The following ERFL variants were observed in gnomAD, a reference collection of about 807,000 sequenced individuals.
ERFL encodes the protein ETS domain-containing transcription factor ERF-like.
Under a neutral mutation model 27.9 loss-of-function variants are expected in ERFL, and 8 were observed. The observed-to-expected ratio is 0.29, with a 90% CI of 0.17 to 0.52. The LOEUF is 0.52. ERFL is among the 20% of genes least tolerant of loss of function. ERFL has a pLI of 0.97. For missense variants in ERFL, 294 were observed against 444.4 expected, an observed-to-expected ratio of 0.66 and a Z score of 3.04; for synonymous variants, 174 against 202.8, an observed-to-expected ratio of 0.86 and a Z score of 1.21.
intron 1 of ERFL, among the ~76,000 whole-genome samples, chr19:41,922,462 A>T (rs1413127729): frequency 1.3e-5 from 2 of 152,192 alleles, no homozygotes; most frequent in Admixed American, 6.5e-5. Context: ...GGGACAGGGA[A>T]TCGGATGACA....
chr19:41,913,059 C>T (rs568110952), intron 1 of ERFL, 127 bp from the exon 2 acceptor site: 11 of 405,228 alleles, frequency 2.7e-5, no homozygotes, highest in South Asian at 1.3e-4. Context: ...CACCCTCTCC[C>T]CGCAATCCCT....
At chr19:41,912,217 C>T (rs1019176621) in intron 2 of ERFL, among the ~76,000 whole-genome samples, 62 of 152,190 alleles carry the variant, frequency 4.1e-4, no homozygotes, top group African/African-American at 1.4e-3. Flanking sequence ...GACACATTCT[C>T]CCAGTGTGAC....
rs781984206 is a variant in ERFL, at chr19:41,909,617, G to A, written c.303-146C>T. On this transcript the variant is annotated intron_variant, in intron 3 of 5. Coordinates refer to ENST00000597630, the MANE Select transcript of ERFL (RefSeq NM_001365103.2). This position sits in a 1 kb window ranked among gnomAD's most constrained non-coding sequence, Gnocchi z 5.2. Reference sequence around the variant, plus strand: ...GAGGCTCACAGAAGTCCCTTAATAGGGATCACAGGGCAAGGAAGGGATGAG... The same window carrying A: ...GAGGCTCACAGAAGTCCCTTAATAGAGATCACAGGGCAAGGAAGGGATGAG... The A allele has an allele frequency of 2.9e-4, 247 of 838,420 alleles. No individual in the cohort carries two copies. The highest frequency in any genetic ancestry group is 9.5e-4 in the Admixed American group (30 of 31,534). 51.9% of individuals were successfully genotyped at this position (838,420 alleles called of 1,614,324 possible). A position where few individuals can be genotyped will look rare whatever the true frequency, so the allele number is the denominator to read the frequency against.
chr19:41,919,231 A>G (rs1478724592), intron 1 of ERFL, among the ~76,000 whole-genome samples: 9 of 152,230 alleles, frequency 5.9e-5, no homozygotes, highest in Admixed American at 4.6e-4. Context: ...CATCCTTAAC[A>G]CACAGACCCA....
rs1285879563 is a variant in ERFL, at chr19:41,908,151, C to T, written c.*77G>A. On this transcript the variant is annotated 3_prime_UTR_variant, in exon 6 of 6. Transcript: ENST00000597630. This position sits in a 1 kb window ranked among gnomAD's most constrained non-coding sequence, Gnocchi z 6.7. ...GGAGGTGCTGAGGGCTGGTCCTGGG[C>T]CTTGGGCCAGGCATCAAGGGCAGAC... 51 of 1,153,484 alleles carry T rather than the reference C, an allele frequency of 4.4e-5. No individual in the cohort carries two copies. The highest frequency in any genetic ancestry group is 5.3e-5 in the Non-Finnish European group (49 of 916,474). The allele number at this position is 1,153,484 out of a possible 1,614,324, so 71.5% of individuals were successfully genotyped here.
At chr19:41,914,929 G>GTCTCTGTCTCTCCCTCCTCTTCCACTA (rs1555851776) in intron 1 of ERFL, among the ~76,000 whole-genome samples, 22 of 103,500 alleles carry the variant, frequency 2.1e-4, no homozygotes, top group Admixed American at 1.9e-3. Context: ...CACCATCTCC[G>GTCTCTGTCTCTCCCTCCTCTTCCACTA]TCTCTGTCTC....
At chr19:41,927,347 T>C (rs1555853357) in intron 1 of ERFL, among the ~76,000 whole-genome samples, 1 of 152,020 alleles carries the variant, frequency 6.6e-6, no homozygotes, top group African/African-American at 2.4e-5. Flanking sequence ...GGCCCAAATG[T>C]CCTTCCCACA....
Position 41,914,671 on chromosome 19 carries a change from TC to T in ERFL, c.-13-1740del, listed in dbSNP as rs1555851626. ...CCTTTCCACCATCTCTGTCTCTCCC[TC>T]CCCTTCCACCATCTCTGTCTCTCCC... On this transcript the variant is annotated intron_variant, in intron 1 of 5. Coordinates refer to ENST00000597630, the MANE Select transcript of ERFL (RefSeq NM_001365103.2). 8.3e-4 allele frequency among the ~76,000 whole-genome samples: 27 copies of T among 32,416 alleles called. 4 individuals are homozygous for T. The highest frequency in any genetic ancestry group is 1.2e-3 in the Non-Finnish European group (24 of 20,542). The allele number at this position is 32,416 out of a possible 152,430, so 21.3% of individuals were successfully genotyped here. A position where few individuals can be genotyped will look rare whatever the true frequency, so the allele number is the denominator to read the frequency against.
rs782081039 is a variant in ERFL, at chr19:41,909,543, G to T, written c.303-72C>A. 14 of 1,094,028 alleles carry T rather than the reference G, an allele frequency of 1.3e-5. No homozygotes were observed. The highest frequency in any genetic ancestry group is 1.5e-5 in the Non-Finnish European group (13 of 850,564). The allele number at this position is 1,094,028 out of a possible 1,614,324, so 67.8% of individuals were successfully genotyped here. A position where few individuals can be genotyped will look rare whatever the true frequency, so the allele number is the denominator to read the frequency against. On this transcript the variant is annotated intron_variant, in intron 3 of 5. Coordinates refer to ENST00000597630, the MANE Select transcript of ERFL (RefSeq NM_001365103.2). The surrounding 1 kb of genome is among the most constrained non-coding windows in gnomAD (Gnocchi z 5.2). ...GGCGGGATCTGGGGTTTCTTAATGC[G>T]TGTGCTGTCCCAGGCATGGTGCACA...
chr19:41,914,560 A>C lies in ERFL; in HGVS notation c.-13-1628T>G, dbSNP rs1599674024. On this transcript the variant is annotated intron_variant, in intron 1 of 5. Coordinates refer to ENST00000597630, the MANE Select transcript of ERFL (RefSeq NM_001365103.2). The stretch of plus-strand genomic sequence containing the variant: ...GCTATCCGTCTTTCCCTCCCCTTCC[A>C]CCATCTCTGTCTCCGTCTCTCCCTC... 8.7e-4 allele frequency among the ~76,000 whole-genome samples: 57 copies of C among 65,416 alleles called. 1 individual carries two copies. The highest frequency in any genetic ancestry group is 1.3e-3 in the Admixed American group (8 of 6,126). 42.9% of individuals were successfully genotyped at this position (65,416 alleles called of 152,430 possible).
rs1332882673 is a variant in ERFL at position 41,921,159 on chromosome 19, C to T, written c.-14+6881G>A. Reference sequence around the variant, plus strand: ...GGAGGGTGGAGGCGCCACCGTGAGGCGAGGCGGAGGGAGGTCTGGCTGCTC... The same window carrying T: ...GGAGGGTGGAGGCGCCACCGTGAGGTGAGGCGGAGGGAGGTCTGGCTGCTC... On this transcript the variant is annotated intron_variant, in intron 1 of 5. Coordinates refer to ENST00000597630, the MANE Select transcript of ERFL (RefSeq NM_001365103.2). The surrounding 1 kb of genome is among the most constrained non-coding windows in gnomAD (Gnocchi z 4.4). 6.6e-6 allele frequency among the ~76,000 whole-genome samples: 1 copy of T among 151,998 alleles called. No homozygotes were observed. The highest frequency in any genetic ancestry group is 1.5e-5 in the Non-Finnish European group (1 of 67,972).
At chr19:41,913,853 C>G (rs1280984178) in intron 1 of ERFL, among the ~76,000 whole-genome samples, 1 of 150,986 alleles carries the variant, frequency 6.6e-6, no homozygotes, top group Non-Finnish European at 1.5e-5. Context: ...CGCAGACACA[C>G]GCTGCCCTCG....
chr19:41,913,876 C>T (rs1468762037), intron 1 of ERFL, among the ~76,000 whole-genome samples: 3 of 151,252 alleles, frequency 2.0e-5, no homozygotes, highest in East Asian at 2.0e-4. Context: ...CTCCCGAGAC[C>T]CCTCCCCTCA....
Position 41,909,869 on chromosome 19 carries a change from G to A in ERFL, c.296C>T (p.Ala99Val), listed in dbSNP as rs2074742616. ...PHMNYDKLSR[A>V]LRYYYNKRIL... Reference sequence around the variant, plus strand: ...GCCCCAAGCCCTTCCTCACCGCAGGGCCCGGCTCAGCTTGTCGTAATTCAT... The same window carrying A: ...GCCCCAAGCCCTTCCTCACCGCAGGACCCGGCTCAGCTTGTCGTAATTCAT... The change falls in exon 3 of 6, where the codon GCC becomes GTC. Residue 99 changes from alanine to valine, a missense_variant. By Grantham distance (64) the Ala-to-Val change is moderately conservative. Coordinates refer to ENST00000597630, the MANE Select transcript of ERFL (RefSeq NM_001365103.2). This position sits in a 1 kb window ranked among gnomAD's most constrained non-coding sequence, Gnocchi z 5.2. 2 of 1,610,056 alleles carry A rather than the reference G, an allele frequency of 1.2e-6. No individual in the cohort carries two copies. Among genetic ancestry groups the A allele is most frequent in the African/African-American group, 1.3e-5 (1 of 74,904 alleles).
At chr19:41,919,035 C>T (rs1555852191) in intron 1 of ERFL, among the ~76,000 whole-genome samples, 3 of 151,132 alleles carry the variant, frequency 2.0e-5, no homozygotes, top group African/African-American at 7.3e-5. Flanking sequence ...AGACACTATA[C>T]ATCACACCAC....
intron 2 of ERFL, among the ~76,000 whole-genome samples, chr19:41,911,542 A>G (rs1555851254): frequency 6.6e-6 from 1 of 152,208 alleles, no homozygotes; most frequent in African/African-American, 2.4e-5. Flanking sequence ...TGCCTGGTGT[A>G]GAAAAGTGGG....
At chr19:41,927,488 C>T (rs1349823365) in intron 1 of ERFL, among the ~76,000 whole-genome samples, 1 of 152,106 alleles carries the variant, frequency 6.6e-6, no homozygotes, top group Non-Finnish European at 1.5e-5. Flanking sequence ...CTATGCTGAT[C>T]CCCAGTCCCA....
In ERFL at chr19:41,909,514, C is replaced by T. The variant is rs572185116; in HGVS notation, c.303-43G>A. ...GTGTTGGGGAGGTGCAGGGGGAGCC[C>T]TGGGGCGGGATCTGGGGTTTCTTAA... On this transcript the variant is annotated intron_variant, in intron 3 of 5. Transcript: ENST00000597630. This position sits in a 1 kb window ranked among gnomAD's most constrained non-coding sequence, Gnocchi z 5.2. 11 of 1,245,412 alleles carry T rather than the reference C, an allele frequency of 8.8e-6. No homozygotes were observed. The East Asian group carries it at 2.8e-4, about 32-fold the overall frequency. The allele number at this position is 1,245,412 out of a possible 1,614,324, so 77.1% of individuals were successfully genotyped here.
intron 1 of ERFL, among the ~76,000 whole-genome samples, 191 bp from the exon 2 acceptor site, chr19:41,913,123 G>A (rs2074763941): frequency 6.7e-6 from 1 of 149,496 alleles, no homozygotes; most frequent in South Asian, 2.1e-4. Context: ...TCCCGGCCCC[G>A]AGACCCCGTT....
Sources: allele counts gnomAD v4.1 joint callset (sites outside exome capture counted in the v4.1 genomes callset), GRCh38; gene constraint gnomAD v4.1.1; non-coding constraint Gnocchi (gnomAD v3.1); transcripts MANE v1.5; gene names NCBI Gene and HGNC (gene_info 2026-07-23, HGNC 2026-07-21).